Variants in UBE2Z observed in about 807,000 individuals in gnomAD.
UBE2Z encodes the protein ubiquitin-conjugating enzyme E2 Z.
Under a neutral mutation model 32.6 loss-of-function variants are expected in UBE2Z, and 10 were observed. That is an observed-to-expected ratio of 0.31 (90% CI 0.19 to 0.52). UBE2Z has a LOEUF of 0.52. Among genes scored for constraint, UBE2Z ranks in the 20% least tolerant of loss-of-function variants. The pLI is 0.97. For synonymous variants in UBE2Z, 183 were observed against 190.8 expected, an observed-to-expected ratio of 0.96 and a Z score of 0.34; for missense variants, 343 against 480.9, an observed-to-expected ratio of 0.71 and a Z score of 2.68.
intron 5 of UBE2Z, among the ~76,000 whole-genome samples, chr17:48,921,694 G>A (rs9900603): frequency 0.98 from 149,594 of 152,266 alleles, 73,550 homozygotes; most frequent in East Asian, 1. Flanking sequence ...CTGATGAAAA[G>A]CAATGGAGGT....
intron 5 of UBE2Z, among the ~76,000 whole-genome samples, chr17:48,921,761 G>T (rs2040760273): frequency 6.6e-6 from 1 of 152,208 alleles, no homozygotes; most frequent in Non-Finnish European, 1.5e-5. Flanking sequence ...CTTGGTGGTG[G>T]CTCACGCCTG....
At chr17:48,916,052 C>T (rs761780015) in intron 3 of UBE2Z, 24 bp from the exon 4 acceptor site, 23 of 1,539,524 alleles carry the variant, frequency 1.5e-5, no homozygotes, top group African/African-American at 4.2e-5. Context: ...GCCTCACCCT[C>T]CATTCCTTCT....
intron 1 of UBE2Z, 153 bp from the exon 2 acceptor site, chr17:48,910,655 T>C: frequency 1.6e-6 from 1 of 609,058 alleles, no homozygotes; most frequent in Non-Finnish European, 3.0e-6. Context: ...CTGAGATTTC[T>C]CAGCCAACAA....
intron 3 of UBE2Z, among the ~76,000 whole-genome samples, chr17:48,914,649 T>G (rs988282013): frequency 2.0e-5 from 3 of 152,044 alleles, no homozygotes; most frequent in East Asian, 3.9e-4. Flanking sequence ...CACAGGACAG[T>G]GGGGTAAAAG....
At chr17:48,921,321 G>T (rs1322439913) in intron 5 of UBE2Z, 49 bp downstream of exon 5, 2 of 1,468,918 alleles carry the variant, frequency 1.4e-6, no homozygotes, top group South Asian at 1.2e-5. Context: ...CATTTGGGTA[G>T]TTGGCATCTT....
At chr17:48,925,978 C>T (rs1015706980) in intron 6 of UBE2Z, among the ~76,000 whole-genome samples, 4 of 152,142 alleles carry the variant, frequency 2.6e-5, no homozygotes, top group African/African-American at 7.2e-5. Flanking sequence ...GCCTAAGTCC[C>T]TATATAGTAT....
At position 48,928,345 on chromosome 17, in the gene UBE2Z, A is replaced by G. The variant is rs1164327835; in HGVS notation, c.*1211A>G. 6.6e-6 allele frequency: 1 copy of G among 152,514 alleles called. No homozygotes were observed. The highest frequency in any genetic ancestry group is 2.4e-5 in the African/African-American group (1 of 41,392). 9.4% of individuals were successfully genotyped at this position (152,514 alleles called of 1,614,324 possible). A position where few individuals can be genotyped will look rare whatever the true frequency, so the allele number is the denominator to read the frequency against. ...CCTTTAGCTGGTTGGCTCAGAAAAA[A>G]AAAAATGTGCTTTAGGTGCCCTGTA... On this transcript the variant is annotated 3_prime_UTR_variant, in exon 7 of 7. Coordinates refer to ENST00000360943, the MANE Select transcript of UBE2Z (RefSeq NM_023079.5).
chr17:48,923,210 A>G, intron 6 of UBE2Z: 1 of 206,398 alleles, frequency 4.8e-6, no homozygotes, highest in Non-Finnish European at 9.8e-6. Context: ...AGTCCCATCT[A>G]CTCAGGAGGC....
intron 1 of UBE2Z, 118 bp downstream of exon 1, chr17:48,908,938 C>T: frequency 1.3e-6 from 1 of 771,950 alleles, no homozygotes; most frequent in Middle Eastern, 4.7e-4. Flanking sequence ...CGGCGGCCCA[C>T]CTCCACGGCC....
At chr17:48,924,597 G>A (rs2040784339) in intron 6 of UBE2Z, among the ~76,000 whole-genome samples, 1 of 152,138 alleles carries the variant, frequency 6.6e-6, no homozygotes, top group Admixed American at 6.6e-5. Flanking sequence ...TATAATCCCA[G>A]CACTTTGGGA....
intron 6 of UBE2Z, 195 bp downstream of exon 6, chr17:48,923,132 T>C (rs572240009): frequency 2.3e-4 from 102 of 444,610 alleles, no homozygotes; most frequent in South Asian, 1.8e-3. Context: ...CCATCCTGGC[T>C]AACACGGTGA....
chr17:48,923,320 CAAAAAAAAAA>C (rs56100763), intron 6 of UBE2Z, among the ~76,000 whole-genome samples: 20 of 102,084 alleles, frequency 2.0e-4, no homozygotes, highest in Admixed American at 3.1e-4. Flanking sequence ...GACTCTGTCT[CAAAAAAAAAA>C]AAAAAAAAAA....
intron 2 of UBE2Z, chr17:48,912,529 C>A: frequency 3.6e-6 from 1 of 277,122 alleles, no homozygotes; most frequent in Non-Finnish European, 6.9e-6. Context: ...AAAAAAAATG[C>A]TTTAAGAGAG....
rs143741978 is a variant in UBE2Z, at chr17:48,922,865, C to A, written c.822C>A (p.Ser274=). 6.2e-7 allele frequency: 1 copy of A among 1,612,228 alleles called. No individual in the cohort carries two copies. Among genetic ancestry groups the A allele is most frequent in the South Asian group, 1.1e-5 (1 of 90,888 alleles). Residue 274 remains serine, a synonymous_variant, in exon 6 of 7, where the codon TCC becomes TCA. Transcript: ENST00000360943. ...TTTCCAGAGGGGTGATGGAGAAGTC[C>A]TTTCTGGAGTATTACGACTTCTACG... ...PEPLRGVMEK[S]FLEYYDFYEV... is the part of the protein sequence containing the mutation.
At position 48,912,879 on chromosome 17, in the gene UBE2Z, G is replaced by A; in HGVS notation, c.436G>A (p.Gly146Ser). The A allele has an allele frequency of 6.2e-7, 1 of 1,613,808 alleles. No individual in the cohort carries two copies. Among genetic ancestry groups the A allele is most frequent in the Non-Finnish European group, 8.5e-7 (1 of 1,179,850 alleles). ...TGPFDTPYEGGFFLFVFRCPP... is the reference protein window; with the variant it reads ...TGPFDTPYEGSFFLFVFRCPP... ...CCCATTTGACACTCCTTATGAAGGG[G>A]GTTTCTTCCTGTTCGTGTTTCGGTG... is the stretch of plus-strand genomic sequence containing the variant. The change falls in exon 3 of 7, where the codon GGT becomes AGT. Residue 146 changes from glycine (G) to serine (S), a missense_variant. This residue lies in a region of UBE2Z where 182 missense variants were observed against 312.4 expected (regional missense o/e 0.58). Coordinates refer to ENST00000360943, the MANE Select transcript of UBE2Z (RefSeq NM_023079.5).
At chr17:48,925,990 T>A (rs2040795378) in intron 6 of UBE2Z, among the ~76,000 whole-genome samples, 1 of 152,212 alleles carries the variant, frequency 6.6e-6, no homozygotes, top group Non-Finnish European at 1.5e-5. Flanking sequence ...ATATAGTATT[T>A]TAAACTCTTT....
chr17:48,920,188 T>C (rs1415354567), intron 4 of UBE2Z, among the ~76,000 whole-genome samples: 1 of 151,804 alleles, frequency 6.6e-6, no homozygotes, highest in Non-Finnish European at 1.5e-5. Flanking sequence ...AGCCTGCCTC[T>C]TAAAAATTTT....
In UBE2Z at chr17:48,908,438, G is replaced by T. The variant is rs1008442606; in HGVS notation, c.-66G>T. On this transcript the variant is annotated 5_prime_UTR_variant, in exon 1 of 7. Coordinates refer to ENST00000360943, the MANE Select transcript of UBE2Z (RefSeq NM_023079.5). ...GCCCGGTTCTCGGTGGTGCGGGAGC[G>T]GGCGGGAGCAGCGGCCGCTCTGGTC... 17 of 1,201,996 alleles carry T rather than the reference G, an allele frequency of 1.4e-5. No individual in the cohort carries two copies. In the East Asian group the frequency reaches 4.9e-4, roughly 34 times the overall value. The allele number at this position is 1,201,996 out of a possible 1,614,324, so 74.5% of individuals were successfully genotyped here.
intron 6 of UBE2Z, among the ~76,000 whole-genome samples, chr17:48,926,627 A>G (rs1188195185): frequency 1.3e-5 from 2 of 151,954 alleles, no homozygotes; most frequent in East Asian, 1.9e-4. Context: ...GATTACAGGC[A>G]TGCGCCACGA....
Sources: gnomAD v4.1 joint callset for allele counts (sites outside exome capture counted in the v4.1 genomes callset) on GRCh38, gnomAD v4.1.1 for gene constraint, gnomAD v4.1.1 regional missense constraint, MANE v1.5 for transcripts, NCBI Gene and HGNC (gene_info 2026-07-23, HGNC 2026-07-21) for gene names.